Variants in RNLS observed in about 807,000 individuals in gnomAD.
The protein encoded by RNLS is renalase.
Under a neutral mutation model 39.8 loss-of-function variants are expected in RNLS, and 39 were observed. That is an observed-to-expected ratio of 0.98 (90% CI 0.76 to 1.28). RNLS has a LOEUF of 1.28. Among genes scored for constraint, RNLS ranks in the 50% most tolerant of loss-of-function variants. The pLI is 0.00. For missense variants in RNLS, 410 were observed against 413.3 expected (o/e 0.99, Z 0.07); for synonymous variants, 147 against 150.7 (o/e 0.98, Z 0.18).
chr10:88,377,167 A>G (rs1767272993), intron 4 of RNLS, among the ~76,000 whole-genome samples: 1 of 152,064 alleles, frequency 6.6e-6, no homozygotes, highest in Non-Finnish European at 1.5e-5. Flanking sequence ...ATACAAGATA[A>G]GGTGTATTCT....
At chr10:88,255,547 T>C in the RNLS span, among the ~76,000 whole-genome samples, 1 of 152,190 alleles carries the variant, frequency 6.6e-6, no homozygotes, top group African/African-American at 2.4e-5. Flanking sequence ...TGGAAAAGGC[T>C]TAATGAACAA....
Position 88,311,377 on chromosome 10 carries a change from A to G in RNLS, c.876+3089T>C, listed in dbSNP as rs188977937. On this transcript the variant is annotated intron_variant, in intron 6 of 6. Transcript: ENST00000331772. The stretch of plus-strand genomic sequence containing the variant: ...TGTTACAGAAACCTTAATTCAATGC[A>G]TAACAGACTAAGCATCAAGTTATAT... Among the ~76,000 whole-genome samples the G allele has an allele frequency of 1.4e-3, 206 of 152,356 alleles. 1 individual carries two copies. Among genetic ancestry groups the G allele is most frequent in the African/African-American group, 4.7e-3 (196 of 41,590 alleles).
intron 4 of RNLS, among the ~76,000 whole-genome samples, chr10:88,530,433 C>A (rs1847352264): frequency 2.0e-5 from 3 of 152,108 alleles, no homozygotes; most frequent in Admixed American, 6.6e-5. Context: ...AGTTAATTGA[C>A]ATTTCTAACT....
At position 88,380,363 on chromosome 10, in the gene RNLS, C is replaced by CTT. The variant is rs10565402; in HGVS notation, c.527-17640_527-17639dup. Among the ~76,000 whole-genome samples the CTT allele has an allele frequency of 1.5e-3, 107 of 73,108 alleles. 7 individuals carry two copies. The highest frequency in any genetic ancestry group is 3.1e-3 in the African/African-American group (58 of 18,828). 48.0% of individuals were successfully genotyped at this position (73,108 alleles called of 152,430 possible). A position where few individuals can be genotyped will look rare whatever the true frequency, so the allele number is the denominator to read the frequency against. ...ATTTTTTAGTCTTGGGGTTTTGTAT[C>CTT]TTTTTTTTTTTTTTTTTTTTTTTTT... On this transcript the variant is annotated intron_variant, in intron 4 of 6. Transcript: ENST00000331772.
chr10:88,360,050 G>A (rs1648512), intron 5 of RNLS, among the ~76,000 whole-genome samples: 129,647 of 152,278 alleles, frequency 0.85, 55,529 homozygotes, highest in African/African-American at 0.95. Context: ...AATGTCATGT[G>A]GTTTTAAGAA....
rs560783444 is a variant in RNLS at position 88,341,068 on chromosome 10, A to C, written c.700+21484T>G. Among the ~76,000 whole-genome samples the C allele has an allele frequency of 1.7e-4, 26 of 150,580 alleles. 1 individual carries two copies. The highest frequency in any genetic ancestry group is 5.9e-4 in the African/African-American group (24 of 40,982). ...AGCAAGATTCTGTCTCAAAAAAAAA[A>C]AAACAAAAAACAGCAATTTGGGAGG... On this transcript the variant is annotated intron_variant, in intron 5 of 6. Coordinates refer to ENST00000331772, the MANE Select transcript of RNLS (RefSeq NM_001031709.3).
chr10:88,447,821 G>A (rs963145504), intron 4 of RNLS, among the ~76,000 whole-genome samples: 2 of 152,038 alleles, frequency 1.3e-5, no homozygotes, highest in Non-Finnish European at 2.9e-5. Flanking sequence ...TATAGACCAA[G>A]GGAACAGAAA....
At chr10:88,550,680 TTC>T (rs1296195017) in intron 4 of RNLS, among the ~76,000 whole-genome samples, 8 of 152,220 alleles carry the variant, frequency 5.3e-5, no homozygotes, top group Admixed American at 2.0e-4. Flanking sequence ...AATAAAATAT[TTC>T]TCTCTCACTC....
chr10:88,484,075 C>T (rs1844354722), intron 4 of RNLS, among the ~76,000 whole-genome samples: 1 of 152,040 alleles, frequency 6.6e-6, no homozygotes, highest in African/African-American at 2.4e-5. Context: ...AATACTTCAG[C>T]TATAACTCAT....
chr10:88,270,814 T>C (rs1842629662), downstream of RNLS, among the ~76,000 whole-genome samples: 3 of 152,108 alleles, frequency 2.0e-5, no homozygotes, highest in Non-Finnish European at 4.4e-5. Flanking sequence ...AAATGGAAAA[T>C]ACCTTTTCTG....
chr10:88,516,259 T>A (rs1390009787), intron 4 of RNLS, among the ~76,000 whole-genome samples: 1 of 152,096 alleles, frequency 6.6e-6, no homozygotes. Context: ...AGGAAATATC[T>A]AAATCTGGAC....
chr10:88,333,569 C>T (rs989772126), intron 5 of RNLS, among the ~76,000 whole-genome samples: 2 of 152,166 alleles, frequency 1.3e-5, no homozygotes, highest in Non-Finnish European at 2.9e-5. Context: ...TGGGGACCTA[C>T]CTAATTTAAT....
chr10:88,538,056 G>A (rs577512206), intron 4 of RNLS, among the ~76,000 whole-genome samples: 123 of 152,236 alleles, frequency 8.1e-4, no homozygotes, highest in Non-Finnish European at 1.6e-3. Context: ...TATAATTAAT[G>A]TTCAGAGATG....
chr10:88,292,608 T>C (rs1843750091), intron 6 of RNLS, among the ~76,000 whole-genome samples: 1 of 150,694 alleles, frequency 6.6e-6, no homozygotes, highest in African/African-American at 2.4e-5. Flanking sequence ...TGCAAAAGAC[T>C]GTAGATAATT....
chr10:88,362,018 T>TA (rs1406626688), intron 5 of RNLS, among the ~76,000 whole-genome samples: 2 of 151,132 alleles, frequency 1.3e-5, no homozygotes, highest in Non-Finnish European at 3.0e-5. Flanking sequence ...GAAGCTCTCA[T>TA]AAAACATTTT....
rs117839376 is a variant in RNLS, at chr10:88,343,058, C to A, written c.700+19494G>T. Among the ~76,000 whole-genome samples the A allele has an allele frequency of 8.1e-3, 1,227 of 152,218 alleles. 22 individuals are homozygous for A. The highest frequency in any genetic ancestry group is 0.029 in the South Asian group (140 of 4,828). ...ACATCTGCTGACCCCTGTACTAGAT[C>A]ATTCAGGACCTTGCCAGCCATGTTA... On this transcript the variant is annotated intron_variant, in intron 5 of 6. Transcript: ENST00000331772.
At chr10:88,483,370 T>G (rs1453901285) in intron 4 of RNLS, among the ~76,000 whole-genome samples, 1 of 152,108 alleles carries the variant, frequency 6.6e-6, no homozygotes, top group Non-Finnish European at 1.5e-5. Context: ...ACCTTTATAT[T>G]CCAGGCCTTA....
At chr10:88,515,026 G>T (rs1846336601) in intron 4 of RNLS, among the ~76,000 whole-genome samples, 1 of 151,884 alleles carries the variant, frequency 6.6e-6, no homozygotes, top group Non-Finnish European at 1.5e-5. Flanking sequence ...TTCTGCATAT[G>T]TTCACCAATA....
Position 88,362,730 on chromosome 10 carries a change from G to A in RNLS, c.527-5C>T. The A allele has an allele frequency of 1.2e-6, 2 of 1,603,344 alleles. No homozygotes were observed. Among genetic ancestry groups the A allele is most frequent in the Non-Finnish European group, 8.5e-7 (1 of 1,176,202 alleles). Reference sequence around the variant, plus strand: ...GCCTTTGGCATTCACTAATTACTGTGGAAGAAAAAATAAAAGGCATCAAAC... The same window carrying A: ...GCCTTTGGCATTCACTAATTACTGTAGAAGAAAAAATAAAAGGCATCAAAC... On this transcript the variant is annotated splice_polypyrimidine_tract_variant and splice_region_variant and intron_variant, in intron 4 of 6. Transcript: ENST00000331772.
Sources: gnomAD v4.1 joint callset for allele counts (sites outside exome capture counted in the v4.1 genomes callset) on GRCh38, gnomAD v4.1.1 for gene constraint, MANE v1.5 for transcripts, NCBI Gene and HGNC (gene_info 2026-07-23, HGNC 2026-07-21) for gene names.